DIS3L2: variants seen among roughly 807,000 people sequenced by gnomAD.
DIS3L2 encodes the protein DIS3-like exonuclease 2.
DIS3L2 carries 34 observed loss-of-function variants against 97.5 expected under a neutral mutation model. The ratio of observed to expected loss-of-function variants is 0.35; its 90% CI spans 0.27 to 0.46. The LOEUF is 0.46. DIS3L2 is among the 20% of genes least tolerant of loss of function. DIS3L2 has a pLI of 1.00. For synonymous variants in DIS3L2, 435 were observed against 445.2 expected (o/e 0.98, Z 0.29); for missense variants, 1,038 against 1,146.0 (o/e 0.91, Z 1.36).
At chr2:232,235,070 G>A (rs546823472) in intron 10 of DIS3L2, among the ~76,000 whole-genome samples, 3 of 152,302 alleles carry the variant, frequency 2.0e-5, no homozygotes, top group East Asian at 1.9e-4. Context: ...CTCATGTCCC[G>A]TCAGGTTCAT....
intron 6 of DIS3L2, among the ~76,000 whole-genome samples, chr2:232,124,756 T>C (rs919209059): frequency 6.6e-6 from 1 of 151,862 alleles, no homozygotes; most frequent in Non-Finnish European, 1.5e-5. Context: ...TAAAAAAATA[T>C]CCAAATTTAG....
chr2:232,144,591 G>A (rs189880666), intron 8 of DIS3L2, among the ~76,000 whole-genome samples: 6 of 152,096 alleles, frequency 3.9e-5, no homozygotes, highest in Admixed American at 2.0e-4. Flanking sequence ...CATCTTACAT[G>A]ACCATGGAAT....
At chr2:232,069,094 T>A (rs1695939038) in intron 5 of DIS3L2, among the ~76,000 whole-genome samples, 1 of 152,094 alleles carries the variant, frequency 6.6e-6, no homozygotes. Context: ...TGGGATTACA[T>A]GCGTGAGCCA....
At chr2:232,236,016 G>T (rs548180400) in intron 10 of DIS3L2, among the ~76,000 whole-genome samples, 67 of 152,300 alleles carry the variant, frequency 4.4e-4, no homozygotes, top group Middle Eastern at 6.8e-3. Flanking sequence ...CCCCATAGCA[G>T]CCAGGATCTC....
intron 14 of DIS3L2, among the ~76,000 whole-genome samples, chr2:232,305,267 G>A (rs1275963286): frequency 6.6e-6 from 1 of 151,882 alleles, no homozygotes; most frequent in Admixed American, 6.6e-5. Flanking sequence ...TAGTAGAGAT[G>A]GGATTTCGCC....
At chr2:232,190,813 G>C (rs145764426) in intron 9 of DIS3L2, among the ~76,000 whole-genome samples, 1 of 152,278 alleles carries the variant, frequency 6.6e-6, no homozygotes, top group East Asian at 1.9e-4. Flanking sequence ...AAGAGCTCCA[G>C]AATGTAAAGG....
intron 20 of DIS3L2, 107 bp downstream of exon 20, chr2:232,335,981 T>C: frequency 6.5e-7 from 1 of 1,534,582 alleles, no homozygotes; most frequent in East Asian, 2.5e-5. Context: ...CCCCCAGCAC[T>C]GCAGCCTCCC....
At chr2:232,342,255 A>G (rs950558518) in intron 13 of DIS3L2, among the ~76,000 whole-genome samples, 1 of 120,288 alleles carries the variant, frequency 8.3e-6, no homozygotes, top group Non-Finnish European at 1.7e-5. Context: ...ATATACACAT[A>G]CACACATACA....
At chr2:232,305,621 T>TA (rs961638380) in intron 14 of DIS3L2, among the ~76,000 whole-genome samples, 1 of 152,190 alleles carries the variant, frequency 6.6e-6, no homozygotes, top group African/African-American at 2.4e-5. Context: ...GACTCACTCT[T>TA]ACGTGGTTCA....
intron 16 of DIS3L2, among the ~76,000 whole-genome samples, chr2:232,332,320 A>G (rs1695762108): frequency 6.6e-6 from 1 of 152,032 alleles, no homozygotes; most frequent in Non-Finnish European, 1.5e-5. Context: ...GGAGTTAGGG[A>G]GCGGAGCAGG....
intron 4 of DIS3L2, among the ~76,000 whole-genome samples, chr2:232,029,357 T>C (rs1694743302): frequency 6.6e-6 from 1 of 152,204 alleles, no homozygotes; most frequent in African/African-American, 2.4e-5. Flanking sequence ...AATTACAAAG[T>C]AATTTGGCTT....
intron 5 of DIS3L2, among the ~76,000 whole-genome samples, chr2:232,076,762 G>C (rs568728984): frequency 1.4e-4 from 22 of 151,956 alleles, no homozygotes; most frequent in African/African-American, 5.3e-4. Context: ...TTCTTTCGTG[G>C]CAGTGTTTTT....
intron 9 of DIS3L2, among the ~76,000 whole-genome samples, chr2:232,201,254 C>G (rs1441130539): frequency 6.6e-6 from 1 of 152,236 alleles, no homozygotes; most frequent in Non-Finnish European, 1.5e-5. Flanking sequence ...GTATGCACAT[C>G]ATCACCTGTG....
At chr2:232,103,255 T>C (rs1375647074) in intron 6 of DIS3L2, among the ~76,000 whole-genome samples, 2 of 152,190 alleles carry the variant, frequency 1.3e-5, no homozygotes, top group Non-Finnish European at 2.9e-5. Flanking sequence ...CCTTATTTCA[T>C]TGGCCATTAC....
intron 6 of DIS3L2, among the ~76,000 whole-genome samples, chr2:232,127,601 C>A (rs990939145): frequency 6.6e-6 from 1 of 152,194 alleles, no homozygotes; most frequent in Non-Finnish European, 1.5e-5. Context: ...GCACAGAATC[C>A]TTACCCATCT....
chr2:232,222,217 A>G (rs1181700552), intron 10 of DIS3L2, among the ~76,000 whole-genome samples: 1 of 152,178 alleles, frequency 6.6e-6, no homozygotes, highest in Non-Finnish European at 1.5e-5. Flanking sequence ...TGCTGGGATT[A>G]CAGGCGTGAG....
At chr2:232,156,494 G>GTT (rs891130713) in intron 8 of DIS3L2, among the ~76,000 whole-genome samples, 7 of 145,996 alleles carry the variant, frequency 4.8e-5, no homozygotes, top group Non-Finnish European at 1.1e-4. Context: ...TTAAATGTGG[G>GTT]TTTTTTTTTT....
At chr2:232,211,638 G>A (rs902506480) in intron 10 of DIS3L2, among the ~76,000 whole-genome samples, 2 of 152,202 alleles carry the variant, frequency 1.3e-5, no homozygotes, top group Admixed American at 6.5e-5. Context: ...GCCACCAAGC[G>A]TTGATGGCCT....
At chr2:232,098,472 GC>G (rs1239531745) in intron 6 of DIS3L2, among the ~76,000 whole-genome samples, 2 of 151,336 alleles carry the variant, frequency 1.3e-5, no homozygotes, top group African/African-American at 4.9e-5. Flanking sequence ...TCCTGCCTCA[GC>G]TTCCCGAGTA....
Sources: allele counts gnomAD v4.1 joint callset (sites outside exome capture counted in the v4.1 genomes callset), GRCh38; gene constraint gnomAD v4.1.1; transcripts MANE v1.5; gene names NCBI Gene and HGNC (gene_info 2026-07-23, HGNC 2026-07-21).